The following PADI3 variants were observed in gnomAD, a reference collection of about 807,000 sequenced individuals.
PADI3 encodes peptidyl arginine deiminase 3.
A neutral mutation model predicts 71.5 loss-of-function variants in PADI3; 53 were observed. The observed-to-expected ratio is 0.74, with a 90% CI of 0.59 to 0.93. The LOEUF (loss-of-function observed/expected upper bound fraction) is 0.93. Ranked by LOEUF, PADI3 falls within the 40% of genes least tolerant of loss-of-function variation. The pLI, the probability that PADI3 is intolerant of heterozygous loss-of-function variation, is 0.00. For missense variants in PADI3, 821 were observed against 868.0 expected (o/e 0.95, Z 0.68); for synonymous variants, 361 against 347.5 (o/e 1.04, Z -0.43).
At position 17,271,370 on chromosome 1, in the gene PADI3, C is replaced by T. The variant is rs144723692; in HGVS notation, c.1047+192C>T. Among the ~76,000 whole-genome samples, 1,028 of 152,264 alleles carry T rather than the reference C, an allele frequency of 6.8e-3. 2 individuals are homozygous for T. Among genetic ancestry groups the T allele is most frequent in the Non-Finnish European group, 0.011 (716 of 68,022 alleles). ...ACCCACGCTGATCCTGGATTCAACA[C>T]CCATTCACCCACCGGATCTGGGCTA... On this transcript the variant is annotated intron_variant, in intron 9 of 15. Transcript: ENST00000375460.
rs569073155 is a variant in PADI3, at chr1:17,266,787, G to A, written c.477G>A (p.Pro159=). ...ILLVNCDRDD[P]SCDVQDNCDQ... ...TGGTGAACTGTGACCGTGATGATCC[G>A]AGCTGTGATGTCCAGGACAATTGTG... Residue 159 remains proline, a synonymous_variant, in exon 5 of 16, where the codon CCG becomes CCA. Coordinates refer to ENST00000375460, the MANE Select transcript of PADI3 (RefSeq NM_016233.2). The A allele has an allele frequency of 1.2e-5, 19 of 1,614,122 alleles. No individual in the cohort carries two copies. The highest frequency in any genetic ancestry group is 9.3e-5 in the African/African-American group (7 of 75,008).
chr1:17,264,167 T>G (rs1366102385), intron 3 of PADI3, among the ~76,000 whole-genome samples: 2 of 152,234 alleles, frequency 1.3e-5, no homozygotes, highest in African/African-American at 2.4e-5. Flanking sequence ...TGCCAATCAG[T>G]TGGCATTGCA....
intron 1 of PADI3, among the ~76,000 whole-genome samples, chr1:17,255,284 C>T (rs542353016): frequency 7.9e-5 from 12 of 152,354 alleles, no homozygotes; most frequent in African/African-American, 2.9e-4. Flanking sequence ...GGCCACCCTA[C>T]CACATTTTAC....
At chr1:17,267,392 A>G (rs1321747871) in intron 5 of PADI3, among the ~76,000 whole-genome samples, 1 of 152,160 alleles carries the variant, frequency 6.6e-6, no homozygotes, top group African/African-American at 2.4e-5. Flanking sequence ...GCAATATTCC[A>G]GGGTATGCTA....
chr1:17,272,472 T>A (rs959100291), intron 9 of PADI3, among the ~76,000 whole-genome samples: 3 of 152,182 alleles, frequency 2.0e-5, no homozygotes, highest in East Asian at 1.9e-4. Context: ...AAATATTTTT[T>A]AATTTTTATT....
At position 17,270,264 on chromosome 1, in the gene PADI3, T is replaced by C. The variant is rs779555590; in HGVS notation, c.684T>C (p.His228=). 29 of 1,613,574 alleles carry C rather than the reference T, an allele frequency of 1.8e-5. No homozygotes were observed. The highest frequency in any genetic ancestry group is 2.4e-5 in the Non-Finnish European group (28 of 1,179,782). Residue 228 remains histidine (H), a synonymous_variant, in exon 7 of 16, where the codon CAT becomes CAC. Coordinates refer to ENST00000375460, the MANE Select transcript of PADI3 (RefSeq NM_016233.2). The stretch of plus-strand genomic sequence containing the variant: ...AGGATGTGTGTGAGGCCTATAGGCA[T>C]GTGCTGGGCCAAGATAAGGTGTCCT... The part of the protein sequence containing the change: ...GPEDVCEAYR[H]VLGQDKVSYE...
intron 1 of PADI3, among the ~76,000 whole-genome samples, chr1:17,255,586 A>G (rs2073018161): frequency 6.6e-6 from 1 of 152,072 alleles, no homozygotes; most frequent in Non-Finnish European, 1.5e-5. Context: ...GGGAAGCTAG[A>G]TCCTCCCGTA....
intron 4 of PADI3, 29 bp downstream of exon 4, chr1:17,265,749 C>A (rs778644089): frequency 1.2e-6 from 2 of 1,600,822 alleles, no homozygotes; most frequent in South Asian, 2.2e-5. Context: ...GCCCAGGAAG[C>A]AGGAGTGCAG....
intron 3 of PADI3, among the ~76,000 whole-genome samples, chr1:17,264,932 C>T (rs1557503494): frequency 6.6e-6 from 1 of 151,050 alleles, no homozygotes; most frequent in African/African-American, 2.4e-5. Flanking sequence ...TTACTTGAGC[C>T]CAGGAGGCAG....
chr1:17,275,906 G>A (rs576839790), intron 11 of PADI3, among the ~76,000 whole-genome samples: 1 of 152,318 alleles, frequency 6.6e-6, no homozygotes, highest in South Asian at 2.1e-4. Flanking sequence ...TCTGTCTCTT[G>A]GAGAATAAGA....
At chr1:17,268,498 C>CTTTTTT (rs564947321) in intron 6 of PADI3, among the ~76,000 whole-genome samples, 10 of 89,416 alleles carry the variant, frequency 1.1e-4, no homozygotes, top group Non-Finnish European at 1.7e-4. Flanking sequence ...TAATAAGATG[C>CTTTTTT]TTTTTTTTTT....
Position 17,280,369 on chromosome 1 carries a change from C to A in PADI3, c.1575C>A (p.Thr525=). Reference sequence around the variant, plus strand: ...TCACAGATGATGAGCAGGTCAAGACCATCTCCATCAACCAGGTGCTCTCCA... The same window carrying A: ...TCACAGATGATGAGCAGGTCAAGACAATCTCCATCAACCAGGTGCTCTCCA... ...QGVVDDEQVK[T]ISINQVLSNK... Residue 525 remains threonine, a synonymous_variant, in exon 14 of 16, where the codon ACC becomes ACA. Coordinates refer to ENST00000375460, the MANE Select transcript of PADI3 (RefSeq NM_016233.2). The A allele has an allele frequency of 6.2e-7, 1 of 1,613,924 alleles. No homozygotes were observed. The highest frequency in any genetic ancestry group is 8.5e-7 in the Non-Finnish European group (1 of 1,179,780).
intron 15 of PADI3, among the ~76,000 whole-genome samples, chr1:17,282,302 G>A (rs1475950360): frequency 3.3e-5 from 5 of 152,124 alleles, no homozygotes; most frequent in Non-Finnish European, 7.3e-5. Context: ...CTGTTTCTGT[G>A]TCTACATCAT....
At position 17,276,531 on chromosome 1, in the gene PADI3, C is replaced by T. The variant is rs1485821772; in HGVS notation, c.1320C>T (p.Arg440=). 1.2e-6 allele frequency: 2 copies of T among 1,613,970 alleles called. No individual in the cohort carries two copies. The highest frequency in any genetic ancestry group is 8.5e-7 in the Non-Finnish European group (1 of 1,180,040). ...TCGTGGGTCCCAGGTCAAGTGGCCG[C>T]AGGGTCACCCAGGTGGTGCGGGACT... ...IGGNLPGSSG[R]RVTQVVRDFL... Residue 440 remains arginine (R), a synonymous_variant, in exon 12 of 16, where the codon CGC becomes CGT. Coordinates refer to ENST00000375460, the MANE Select transcript of PADI3 (RefSeq NM_016233.2).
chr1:17,257,595 G>A (rs2073043876), intron 1 of PADI3, among the ~76,000 whole-genome samples: 1 of 152,216 alleles, frequency 6.6e-6, no homozygotes, highest in Admixed American at 6.5e-5. Context: ...CCTGACAGGG[G>A]CCCAGACACC....
chr1:17,270,702 G>A lies in PADI3; in HGVS notation c.832-177G>A, dbSNP rs532332094. On this transcript the variant is annotated intron_variant, in intron 7 of 15. Transcript: ENST00000375460. ...GTGGGGAGGACTCCATTCCTGGTAA[G>A]TCTACCAGGCACCACTGGTGTGAAA... Among the ~76,000 whole-genome samples, 6 of 152,110 alleles carry A rather than the reference G, an allele frequency of 3.9e-5. No individual in the cohort carries two copies. The South Asian group carries it at 1.0e-3, about 26-fold the overall frequency.
At chr1:17,257,888 C>T (rs1012850343) in intron 1 of PADI3, among the ~76,000 whole-genome samples, 4 of 152,160 alleles carry the variant, frequency 2.6e-5, no homozygotes, top group Admixed American at 2.6e-4. Context: ...AGCTAATGTA[C>T]AAAAAGGCTT....
rs748405221 is a variant in PADI3, at chr1:17,259,727, A to C, written c.242A>C (p.Asn81Thr). The C allele has an allele frequency of 6.2e-7, 1 of 1,610,572 alleles. No individual in the cohort carries two copies. Among genetic ancestry groups the C allele is most frequent in the South Asian group, 1.1e-5 (1 of 90,668 alleles). Reference protein sequence around the residue: ...DATLEIIVVMNSPSNDLNDSH... With the variant: ...DATLEIIVVMTSPSNDLNDSH... ...ACTTTGGAGATCATCGTGGTCATGA[A>C]CTCCCCCAGCAATGACCTCAACGAC... The change falls in exon 2 of 16, where the codon AAC (asparagine) becomes ACC (threonine). Residue 81 changes from asparagine to threonine, a missense_variant. Asn to Thr is a moderately conservative substitution (Grantham distance 65, BLOSUM62 0). Coordinates refer to ENST00000375460, the MANE Select transcript of PADI3 (RefSeq NM_016233.2).
chr1:17,249,227 TG>T lies in PADI3; in HGVS notation c.92+1del, dbSNP rs769274640. The T allele has an allele frequency of 2.9e-5, 47 of 1,612,878 alleles. No homozygotes were observed. The highest frequency in any genetic ancestry group is 2.2e-4 in the South Asian group (20 of 91,074). ...AGVETLVDIY[G>X]SVPEGTEMFE... ...GCGTGGAGACCCTCGTGGACATTTA[TG>T]GGTAAGAGTCAGAGGCCTAGTGGTT... On this transcript the variant is annotated frameshift_variant and splice_region_variant, in exon 1 of 16. Transcript: ENST00000375460. LOFTEE classifies it high-confidence loss of function.
Sources: allele counts gnomAD v4.1 joint callset (sites outside exome capture counted in the v4.1 genomes callset), GRCh38; gene constraint gnomAD v4.1.1; transcripts MANE v1.5; gene names NCBI Gene and HGNC (gene_info 2026-07-23, HGNC 2026-07-21).